Variants in CPEB3 observed in about 807,000 individuals in gnomAD.
The protein encoded by CPEB3 is cytoplasmic polyadenylation element binding protein 3.
A neutral mutation model predicts 67.2 loss-of-function variants in CPEB3; 20 were observed. The observed-to-expected ratio is 0.30, with a 90% confidence interval of 0.21 to 0.43. The LOEUF (loss-of-function observed/expected upper bound fraction) is 0.43, where lower values mean the gene tolerates loss of function less well. Among genes scored for constraint, CPEB3 ranks in the 20% least tolerant of loss-of-function variants. CPEB3 has a pLI of 1.00. For missense variants in CPEB3, 746 were observed against 968.6 expected, an observed-to-expected ratio of 0.77 and a Z score of 3.05; for synonymous variants, 376 against 393.1, an observed-to-expected ratio of 0.96 and a Z score of 0.51.
chr10:92,274,776 G>A (rs533978225), intron 1 of CPEB3, among the ~76,000 whole-genome samples: 5 of 152,232 alleles, frequency 3.3e-5, no homozygotes, highest in African/African-American at 1.2e-4. Context: ...AGTGAGTCGA[G>A]GCTGCGTCAC....
chr10:92,074,116 G>GT (rs1842856502), intron 9 of CPEB3, among the ~76,000 whole-genome samples: 1 of 150,798 alleles, frequency 6.6e-6, no homozygotes, highest in African/African-American at 2.4e-5. Flanking sequence ...TTAAAAAAAT[G>GT]GTTTTTTTTT....
chr10:92,245,764 C>A (rs1219588590), intron 1 of CPEB3, among the ~76,000 whole-genome samples: 1 of 152,136 alleles, frequency 6.6e-6, no homozygotes, highest in East Asian at 1.9e-4. Flanking sequence ...TAGCCGGGCA[C>A]GGTGGCTCAT....
chr10:92,062,517 T>A (rs1169083491), intron 9 of CPEB3, among the ~76,000 whole-genome samples: 1 of 152,124 alleles, frequency 6.6e-6, no homozygotes. Flanking sequence ...TCAGCCACCT[T>A]ATTAAAACTG....
Position 92,051,296 on chromosome 10 carries a change from C to T in CPEB3, c.*916G>A, listed in dbSNP as rs570572635. On this transcript the variant is annotated 3_prime_UTR_variant, in exon 10 of 10. Coordinates refer to ENST00000265997, the MANE Select transcript of CPEB3 (RefSeq NM_014912.5). ...TTGTGCATTGTGGGAACGTTTTATA[C>T]TAGACATTGGATATAAAATTTATTG... 1 of 152,674 alleles carries T rather than the reference C, an allele frequency of 6.5e-6. No homozygotes were observed. The highest frequency in any genetic ancestry group is 1.9e-4 in the East Asian group (1 of 5,188). 9.5% of individuals were successfully genotyped at this position (152,674 alleles called of 1,614,324 possible).
chr10:92,082,440 G>C (rs370318166), intron 8 of CPEB3, among the ~76,000 whole-genome samples: 1 of 152,030 alleles, frequency 6.6e-6, no homozygotes, highest in Non-Finnish European at 1.5e-5. Context: ...CACCACACTT[G>C]GCTAATTTTT....
chr10:92,086,433 A>T (rs1016637584), intron 8 of CPEB3, among the ~76,000 whole-genome samples: 6 of 152,250 alleles, frequency 3.9e-5, no homozygotes, highest in Non-Finnish European at 5.9e-5. Flanking sequence ...TAAATCAGAC[A>T]GAGTACACTG....
chr10:92,169,336 G>A (rs547404059), intron 4 of CPEB3, among the ~76,000 whole-genome samples: 41 of 151,660 alleles, frequency 2.7e-4, no homozygotes, highest in Non-Finnish European at 4.3e-4. Context: ...ACAGGGTTTC[G>A]TCATGTTGGC....
intron 1 of CPEB3, among the ~76,000 whole-genome samples, chr10:92,277,864 C>T (rs1396339611): frequency 6.6e-6 from 1 of 151,650 alleles, no homozygotes; most frequent in Admixed American, 6.6e-5. Flanking sequence ...GTACTCCAGC[C>T]TGGGGGACAG....
intron 6 of CPEB3, among the ~76,000 whole-genome samples, chr10:92,136,403 C>T (rs1846097710): frequency 1.3e-5 from 2 of 151,992 alleles, no homozygotes; most frequent in Admixed American, 6.6e-5. Context: ...GAAGAGACAA[C>T]CCACAGAATG....
At chr10:92,213,952 T>C (rs1850218382) in intron 2 of CPEB3, among the ~76,000 whole-genome samples, 1 of 152,088 alleles carries the variant, frequency 6.6e-6, no homozygotes. Flanking sequence ...AAAAGCCAAA[T>C]TTATCCCCAA....
chr10:92,088,627 G>T (rs1843477884), intron 8 of CPEB3, among the ~76,000 whole-genome samples: 1 of 149,192 alleles, frequency 6.7e-6, no homozygotes, highest in East Asian at 1.9e-4. Flanking sequence ...AAATATCAAA[G>T]ATTAAAAAAA....
In CPEB3 at chr10:92,057,621, C is replaced by T. The variant is rs74149363; in HGVS notation, c.1870-5182G>A. On this transcript the variant is annotated intron_variant, in intron 9 of 9. Transcript: ENST00000265997. ...GAGCGAACACAGGCAGTAACCAGGG[C>T]GTGGTTATGGCAGGTCTTAGGCAAA... 9.3e-3 allele frequency among the ~76,000 whole-genome samples: 1,412 copies of T among 152,312 alleles called. 22 individuals carry two copies. The highest frequency in any genetic ancestry group is 0.032 in the African/African-American group (1,324 of 41,566).
At chr10:92,205,470 CTTTTTTT>C (rs34029695) in intron 2 of CPEB3, among the ~76,000 whole-genome samples, 3 of 91,020 alleles carry the variant, frequency 3.3e-5, no homozygotes, top group African/African-American at 4.9e-5. Context: ...AAATTCAGTC[CTTTTTTT>C]TTTTTTTTTT....
chr10:92,240,383 A>T, intron 1 of CPEB3, 22 bp from the exon 2 acceptor site: 1 of 1,433,378 alleles, frequency 7.0e-7, no homozygotes, highest in Non-Finnish European at 9.2e-7. Flanking sequence ...AAAAAGAGAG[A>T]CGCGTTATTG....
intron 7 of CPEB3, among the ~76,000 whole-genome samples, chr10:92,106,987 G>A (rs1341234536): frequency 2.0e-5 from 3 of 152,038 alleles, no homozygotes; most frequent in East Asian, 1.9e-4. Context: ...GCCAGATTGG[G>A]AAGGTCTTAA....
chr10:92,081,140 C>A (rs1242931226), intron 9 of CPEB3, among the ~76,000 whole-genome samples, 180 bp downstream of exon 9: 1 of 152,116 alleles, frequency 6.6e-6, no homozygotes, highest in Non-Finnish European at 1.5e-5. Context: ...GCAGAAGATT[C>A]CTTAATGCCT....
At position 92,240,327 on chromosome 10, in the gene CPEB3, G is replaced by A; in HGVS notation, c.24C>T (p.Asp8=). The change falls in exon 2 of 10, where the codon GAC becomes GAT. Residue 8 remains aspartate (D), a synonymous_variant. Coordinates refer to ENST00000265997, the MANE Select transcript of CPEB3 (RefSeq NM_014912.5). MQDDLLM[D]KSKTQPQPQQ... ...GGGGCTGGGGCTGGGTTTTGCTTTT[G>A]TCCATCAGTAAATCATCCTGCATGG... 6.7e-7 allele frequency: 1 copy of A among 1,486,868 alleles called. No homozygotes were observed. Among genetic ancestry groups the A allele is most frequent in the South Asian group, 1.4e-5 (1 of 72,976 alleles). 92.1% of individuals were successfully genotyped at this position (1,486,868 alleles called of 1,614,324 possible).
chr10:92,073,381 C>A (rs1842824584), intron 9 of CPEB3, among the ~76,000 whole-genome samples: 1 of 151,952 alleles, frequency 6.6e-6, no homozygotes, highest in African/African-American at 2.4e-5. Context: ...AGGCCAGGCA[C>A]AGTGACTCAT....
chr10:92,151,377 G>C (rs1246046024), intron 4 of CPEB3, among the ~76,000 whole-genome samples: 1 of 152,062 alleles, frequency 6.6e-6, no homozygotes, highest in African/African-American at 2.4e-5. Context: ...TTAAGAAAAA[G>C]GAATTATGAG....
Sources: gnomAD v4.1 joint callset for allele counts (sites outside exome capture counted in the v4.1 genomes callset) on GRCh38, gnomAD v4.1.1 for gene constraint, MANE v1.5 for transcripts, NCBI Gene and HGNC (gene_info 2026-07-23, HGNC 2026-07-21) for gene names.